The following RASAL2 variants were observed in gnomAD, a reference collection of about 807,000 sequenced individuals.
RASAL2 encodes RAS protein activator like 2, also known as ras GTPase-activating protein nGAP.
A neutral mutation model predicts 128.9 loss-of-function variants in RASAL2; 58 were observed. That is an observed-to-expected ratio of 0.45 (90% CI 0.36 to 0.56). RASAL2 has a LOEUF of 0.56. RASAL2 is among the 20% of genes least tolerant of loss of function. The pLI is 0.00. For synonymous variants in RASAL2, 561 were observed against 580.8 expected (o/e 0.97, Z 0.49); for missense variants, 1,360 against 1,601.6 (o/e 0.85, Z 2.57).
At chr1:178,201,765 G>A (rs930517638) in intron 1 of RASAL2, among the ~76,000 whole-genome samples, 3 of 152,198 alleles carry the variant, frequency 2.0e-5, no homozygotes, top group African/African-American at 4.8e-5. Flanking sequence ...GAAACTGATA[G>A]AAGCCTACGG....
intron 4 of RASAL2, among the ~76,000 whole-genome samples, chr1:178,419,923 G>A (rs913359339): frequency 1.3e-5 from 2 of 152,142 alleles, no homozygotes; most frequent in African/African-American, 4.8e-5. Flanking sequence ...CCATATCCAA[G>A]GTGACATAGA....
intron 1 of RASAL2, among the ~76,000 whole-genome samples, chr1:178,250,654 C>G (rs1292757886): frequency 6.6e-6 from 1 of 152,202 alleles, no homozygotes; most frequent in Non-Finnish European, 1.5e-5. Context: ...CTGCGTTGGT[C>G]TCGCTGGGAG....
At chr1:178,336,639 G>C (rs954807883) in intron 3 of RASAL2, among the ~76,000 whole-genome samples, 16 of 151,432 alleles carry the variant, frequency 1.1e-4, no homozygotes, top group African/African-American at 3.9e-4. Context: ...ATATATGTAT[G>C]TATGTATAAC....
At chr1:178,413,529 C>G (rs183103825) in intron 4 of RASAL2, among the ~76,000 whole-genome samples, 15 of 152,308 alleles carry the variant, frequency 9.8e-5, no homozygotes, top group Admixed American at 8.5e-4. Context: ...TGCAGTTCCT[C>G]TCACCTGGTA....
At chr1:178,372,054 T>G (rs1474367696) in intron 3 of RASAL2, 5 of 544,662 alleles carry the variant, frequency 9.2e-6, no homozygotes, top group South Asian at 8.1e-5. Context: ...CTCCCCCTGG[T>G]TGTATTAGAT....
At chr1:178,345,061 C>T (rs1200314275) in intron 3 of RASAL2, among the ~76,000 whole-genome samples, 4 of 152,100 alleles carry the variant, frequency 2.6e-5, no homozygotes, top group African/African-American at 9.7e-5. Context: ...AGGCCTTTGT[C>T]CTCTCTGGTA....
At chr1:178,334,327 A>G (rs1190269729) in intron 3 of RASAL2, among the ~76,000 whole-genome samples, 2 of 149,454 alleles carry the variant, frequency 1.3e-5, no homozygotes, top group Non-Finnish European at 3.0e-5. Flanking sequence ...TCATTCATTT[A>G]TTGCAACTTT....
At chr1:178,124,376 T>C (rs1659819505) in intron 1 of RASAL2, among the ~76,000 whole-genome samples, 1 of 152,162 alleles carries the variant, frequency 6.6e-6, no homozygotes, top group South Asian at 2.1e-4. Context: ...CCCAGAGTAC[T>C]GCTAAACATT....
intron 3 of RASAL2, among the ~76,000 whole-genome samples, chr1:178,376,988 C>T (rs566416387): frequency 1.6e-4 from 25 of 152,002 alleles, no homozygotes; most frequent in African/African-American, 1.2e-4. Flanking sequence ...ATAATGATTG[C>T]GTTTTCCAAA....
intron 1 of RASAL2, among the ~76,000 whole-genome samples, chr1:178,264,190 T>C (rs971001348): frequency 2.6e-5 from 4 of 152,182 alleles, no homozygotes. Flanking sequence ...TCTGCGAGGA[T>C]TTAAATGAAA....
chr1:178,356,170 C>CAA (rs34590206), intron 3 of RASAL2, among the ~76,000 whole-genome samples: 8,939 of 73,692 alleles, frequency 0.12, 942 homozygotes, highest in African/African-American at 0.28. Flanking sequence ...GACTCTGTCT[C>CAA]AAAAAAAAAA....
intron 1 of RASAL2, among the ~76,000 whole-genome samples, chr1:178,256,798 C>T (rs1420520046): frequency 1.3e-5 from 2 of 152,022 alleles, no homozygotes. Flanking sequence ...CTCAGCCTCC[C>T]GAGTAGCTGG....
intron 1 of RASAL2, among the ~76,000 whole-genome samples, chr1:178,128,892 A>G (rs1199083265): frequency 3.3e-5 from 5 of 152,060 alleles, no homozygotes; most frequent in South Asian, 2.1e-4. Context: ...ATAAGATTCT[A>G]TTGTATAGAT....
intron 1 of RASAL2, among the ~76,000 whole-genome samples, chr1:178,167,116 G>A (rs952975086): frequency 5.9e-5 from 9 of 152,070 alleles, no homozygotes; most frequent in Non-Finnish European, 1.3e-4. Flanking sequence ...CTGGCAAGAT[G>A]TTTTCCATTT....
intron 3 of RASAL2, among the ~76,000 whole-genome samples, chr1:178,376,638 T>A (rs1436807235): frequency 6.6e-6 from 1 of 152,126 alleles, no homozygotes; most frequent in Non-Finnish European, 1.5e-5. Flanking sequence ...GTATTAATCT[T>A]ATGCCATTTA....
chr1:178,372,855 A>G (rs963338806), intron 3 of RASAL2, among the ~76,000 whole-genome samples: 1 of 152,178 alleles, frequency 6.6e-6, no homozygotes, highest in Non-Finnish European at 1.5e-5. Context: ...ATGCTTTCTA[A>G]TAAATTTCTA....
intron 1 of RASAL2, among the ~76,000 whole-genome samples, chr1:178,260,482 A>T (rs1355517080): frequency 7.2e-6 from 1 of 138,080 alleles, no homozygotes; most frequent in African/African-American, 2.7e-5. Context: ...GTGTGTTTCT[A>T]GTTTTATTTT....
intron 1 of RASAL2, among the ~76,000 whole-genome samples, chr1:178,215,050 T>C (rs1179771244): frequency 6.6e-6 from 1 of 152,222 alleles, no homozygotes; most frequent in African/African-American, 2.4e-5. Context: ...CTGTGGAACT[T>C]TTTCTTCAAA....
intron 1 of RASAL2, among the ~76,000 whole-genome samples, chr1:178,113,171 T>C (rs1353376366): frequency 6.6e-6 from 1 of 152,188 alleles, no homozygotes; most frequent in Non-Finnish European, 1.5e-5. Flanking sequence ...TGTGTGGGTT[T>C]ATATCTGGAC....
Sources: allele counts gnomAD v4.1 joint callset (sites outside exome capture counted in the v4.1 genomes callset), GRCh38; gene constraint gnomAD v4.1.1; transcripts MANE v1.5; gene names NCBI Gene and HGNC (gene_info 2026-07-23, HGNC 2026-07-21).